Variants in USP24 observed in about 807,000 individuals in gnomAD.
The protein encoded by USP24 is ubiquitin carboxyl-terminal hydrolase 24.
In USP24, 97 loss-of-function variants were observed where a neutral mutation model predicts 361.6. That is an observed-to-expected ratio of 0.27 (90% CI 0.23 to 0.32). USP24 has a LOEUF of 0.32. Ranked by LOEUF, USP24 falls within the 10% of genes least tolerant of loss-of-function variation. The probability of loss-of-function intolerance (pLI) is 1.00; values close to 1 mark genes in which losing one functional copy is unlikely to be tolerated. For missense variants in USP24, 2,353 were observed against 3,165.6 expected (o/e 0.74, Z 6.16); for synonymous variants, 1,098 against 1,124.6 (o/e 0.98, Z 0.47).
chr1:55,089,803 T>G, intron 54 of USP24, 63 bp from the exon 55 acceptor site: 1 of 1,132,590 alleles, frequency 8.8e-7, no homozygotes. Flanking sequence ...CCTCATGCAG[T>G]GCACTCTTGT....
chr1:55,169,733 C>G (rs994125201), intron 5 of USP24, among the ~76,000 whole-genome samples: 1 of 151,400 alleles, frequency 6.6e-6, no homozygotes, highest in African/African-American at 2.5e-5. Flanking sequence ...AAAATACATA[C>G]TTCAAGGAAT....
chr1:55,154,006 C>T, intron 15 of USP24, 89 bp from the exon 16 acceptor site: 2 of 1,557,258 alleles, frequency 1.3e-6, no homozygotes, highest in Non-Finnish European at 1.7e-6. Flanking sequence ...TAAGAGCTTC[C>T]AGATATGGCA....
intron 36 of USP24, among the ~76,000 whole-genome samples, chr1:55,122,947 T>C (rs938922736): frequency 1.2e-4 from 19 of 152,042 alleles, no homozygotes; most frequent in Non-Finnish European, 5.9e-5. Context: ...ACTGTGAAAC[T>C]GCACGAGATC....
chr1:55,209,298 A>C (rs1644793839), intron 1 of USP24, among the ~76,000 whole-genome samples: 1 of 152,144 alleles, frequency 6.6e-6, no homozygotes, highest in South Asian at 2.1e-4. Flanking sequence ...ACCTTTCTAA[A>C]ATACATTAAA....
rs1345791121 is a variant in USP24, at chr1:55,154,227, A to C, written c.1704T>G (p.Leu568=). ...GGTGCTCCTCCAAGGCCTGCTGAAT[A>C]AGGCTACTGGGCAGGGTTGGAAGGT... The part of the protein sequence containing the change: ...LAHLPTLPSS[L]IQQALEEHLT... The change falls in exon 15 of 68, where the codon CTT becomes CTG. Residue 568 remains leucine, a synonymous_variant. Coordinates refer to ENST00000294383, the MANE Select transcript of USP24 (RefSeq NM_015306.3). 1.2e-6 allele frequency: 2 copies of C among 1,613,460 alleles called. No homozygotes were observed. Among genetic ancestry groups the C allele is most frequent in the Non-Finnish European group, 1.7e-6 (2 of 1,179,632 alleles).
chr1:55,098,347 A>G (rs1273610287), intron 46 of USP24, 129 bp downstream of exon 46: 31 of 924,672 alleles, frequency 3.4e-5, no homozygotes, highest in Middle Eastern at 2.3e-4. Flanking sequence ...TTAAGTCACT[A>G]AATACTTATA....
chr1:55,121,242 A>C (rs1646271954), intron 37 of USP24, among the ~76,000 whole-genome samples, 194 bp downstream of exon 37: 1 of 152,204 alleles, frequency 6.6e-6, no homozygotes, highest in African/African-American at 2.4e-5. Context: ...TTGGTGGCAT[A>C]TGGAGGAGGT....
chr1:55,122,310 T>C (rs1329079972), intron 36 of USP24, among the ~76,000 whole-genome samples: 1 of 151,954 alleles, frequency 6.6e-6, no homozygotes, highest in African/African-American at 2.4e-5. Flanking sequence ...AGGGAAGGAA[T>C]GTATGCTGGC....
At chr1:55,210,983 T>C (rs1449522359) in intron 1 of USP24, among the ~76,000 whole-genome samples, 1 of 152,244 alleles carries the variant, frequency 6.6e-6, no homozygotes, top group Non-Finnish European at 1.5e-5. Context: ...TTCATTATAG[T>C]ATTAATGTTT....
In USP24 at chr1:55,092,865, T is replaced by C. The variant is rs2100475340; in HGVS notation, c.6406A>G (p.Ser2136Gly). The C allele has an allele frequency of 1.2e-6, 2 of 1,601,132 alleles. No individual in the cohort carries two copies. Among genetic ancestry groups the C allele is most frequent in the South Asian group, 2.3e-5 (2 of 88,262 alleles). The stretch of plus-strand genomic sequence containing the variant: ...GACAAAACAAAACTGAAATAATCAC[T>C]ACTGTATACATCTCTATTCTTCATA... ...KFMKNRDVYS[S>G]DYFSFVLSLA... The change falls in exon 53 of 68, where the codon AGT (serine) becomes GGT (glycine). Residue 2136 changes from serine to glycine, a missense_variant. By Grantham distance (56) the Ser-to-Gly change is moderately conservative. This residue lies in a region of USP24 where 598 missense variants were observed against 761.9 expected (regional missense o/e 0.78). Transcript: ENST00000294383.
At chr1:55,070,346 C>G (rs1410680665) in intron 67 of USP24, among the ~76,000 whole-genome samples, 1 of 152,144 alleles carries the variant, frequency 6.6e-6, no homozygotes, top group East Asian at 1.9e-4. Flanking sequence ...CTCCACAAAC[C>G]TTTACTGGTG....
At chr1:55,161,869 A>G (rs1456565017) in intron 8 of USP24, among the ~76,000 whole-genome samples, 1 of 152,212 alleles carries the variant, frequency 6.6e-6, no homozygotes, top group East Asian at 1.9e-4. Context: ...GATTCAATAC[A>G]TAATGGCATT....
intron 49 of USP24, 51 bp from the exon 50 acceptor site, chr1:55,096,673 C>T (rs1340778711): frequency 6.3e-7 from 1 of 1,577,068 alleles, no homozygotes; most frequent in Non-Finnish European, 8.6e-7. Context: ...AATCAACCTC[C>T]TCATCCTTAG....
intron 1 of USP24, among the ~76,000 whole-genome samples, chr1:55,199,622 T>TGTGTGTGTGAGAGA (rs1553172673): frequency 9.0e-6 from 1 of 111,486 alleles, no homozygotes; most frequent in African/African-American, 3.0e-5. Flanking sequence ...TGTGTGTGTG[T>TGTGTGTGTGAGAGA]GAGAGAGAGA....
chr1:55,103,170 A>G lies in USP24; in HGVS notation c.5025+706T>C, dbSNP rs185205333. Among the ~76,000 whole-genome samples, 4 of 152,280 alleles carry G rather than the reference A, an allele frequency of 2.6e-5. No individual in the cohort carries two copies. The East Asian group carries it at 7.7e-4, about 29-fold the overall frequency. On this transcript the variant is annotated intron_variant, in intron 42 of 67. Transcript: ENST00000294383. ...ACACTAAGCTATTTCATGTCTCCAC[A>G]GCTGTGTTCATATTCTTCTCATTAC... is the stretch of plus-strand genomic sequence containing the variant.
rs933605420 is a variant in USP24 at position 55,143,157 on chromosome 1, C to G, written c.2440-38G>C. 9 of 1,396,170 alleles carry G rather than the reference C, an allele frequency of 6.4e-6. No homozygotes were observed. The African/African-American group carries it at 1.2e-4, about 19-fold the overall frequency. 86.5% of individuals were successfully genotyped at this position (1,396,170 alleles called of 1,614,324 possible). On this transcript the variant is annotated intron_variant, in intron 21 of 67. Transcript: ENST00000294383. ...AAAAAAATTAAATTATAAAGCATAT[C>G]AAGATCACAAAGTTACAAAATCACA...
intron 1 of USP24, among the ~76,000 whole-genome samples, chr1:55,213,282 T>A (rs983748558): frequency 2.6e-5 from 4 of 152,198 alleles, no homozygotes; most frequent in Non-Finnish European, 4.4e-5. Context: ...ATTCCCAAAC[T>A]AGGAATAGTA....
intron 50 of USP24, among the ~76,000 whole-genome samples, chr1:55,096,188 C>G (rs992579128): frequency 2.6e-5 from 4 of 152,210 alleles, no homozygotes; most frequent in African/African-American, 9.6e-5. Flanking sequence ...ACTTCCAAAA[C>G]TATTTTTAAG....
intron 1 of USP24, among the ~76,000 whole-genome samples, chr1:55,178,528 G>A (rs1650222984): frequency 6.6e-6 from 1 of 151,910 alleles, no homozygotes; most frequent in Admixed American, 6.6e-5. Context: ...AATTAGCCAG[G>A]TGTAGTGGCG....
Sources: allele counts gnomAD v4.1 joint callset (sites outside exome capture counted in the v4.1 genomes callset), GRCh38; gene constraint gnomAD v4.1.1; regional missense constraint gnomAD v4.1.1; transcripts MANE v1.5; gene names NCBI Gene and HGNC (gene_info 2026-07-23, HGNC 2026-07-21).